Variants in SLC9A2 observed in about 807,000 individuals in gnomAD.
SLC9A2 encodes the protein sodium/hydrogen exchanger 2.
SLC9A2 carries 42 observed loss-of-function variants against 71.7 expected under a neutral mutation model. That is an observed-to-expected ratio of 0.59 (90% CI 0.46 to 0.76). The LOEUF (loss-of-function observed/expected upper bound fraction) is 0.76. Ranked by LOEUF, SLC9A2 falls within the 30% of genes least tolerant of loss-of-function variation. SLC9A2 has a pLI of 0.00. For synonymous variants in SLC9A2, 396 were observed against 392.5 expected (o/e 1.01, Z -0.10); for missense variants, 829 against 1,017.4 (o/e 0.81, Z 2.52).
chr2:102,634,476 A>G (rs1676430308), intron 1 of SLC9A2, among the ~76,000 whole-genome samples: 1 of 152,204 alleles, frequency 6.6e-6, no homozygotes, highest in South Asian at 2.1e-4. Context: ...CACATTTACA[A>G]CAGTTGCTAC....
At chr2:102,632,045 C>CATATATAT (rs1282543860) in intron 1 of SLC9A2, among the ~76,000 whole-genome samples, 1,708 of 97,062 alleles carry the variant, frequency 0.018, 220 homozygotes, top group African/African-American at 0.06. Flanking sequence ...TATACATACA[C>CATATATAT]ACACACATAT....
chr2:102,684,184 A>G lies in SLC9A2; in HGVS notation c.1273A>G (p.Thr425Ala). Residue 425 changes from threonine (T) to alanine (A), a missense_variant, in exon 5 of 12, where the codon ACC becomes GCC. Physicochemically the swap from Thr to Ala is moderately conservative, Grantham distance 58 (BLOSUM62 0). Around this residue, in one of 3 missense-constraint regions of SLC9A2, gnomAD observed 500 missense variants for 726.3 expected, o/e 0.69. Coordinates refer to ENST00000233969, the MANE Select transcript of SLC9A2 (RefSeq NM_003048.6). ...VINRFRTIPL[T>A]FKDQFIIAYG... ...TAATAGGTTCCGGACCATTCCCCTG[A>G]CCTTTAAGGACCAGTTCATCATTGC... The G allele has an allele frequency of 6.2e-7, 1 of 1,614,038 alleles. No individual in the cohort carries two copies. The highest frequency in any genetic ancestry group is 8.5e-7 in the Non-Finnish European group (1 of 1,179,980).
At chr2:102,626,090 C>G (rs1676240655) in intron 1 of SLC9A2, among the ~76,000 whole-genome samples, 1 of 152,012 alleles carries the variant, frequency 6.6e-6, no homozygotes, top group African/African-American at 2.4e-5. Flanking sequence ...TCATATGGAA[C>G]CAAAAAAGAA....
rs189379684 is a variant in SLC9A2 at position 102,626,758 on chromosome 2, C to T, written c.289+6621C>T. On this transcript the variant is annotated intron_variant, in intron 1 of 11. Coordinates refer to ENST00000233969, the MANE Select transcript of SLC9A2 (RefSeq NM_003048.6). ...ACATACAACCCCATCAACAAGTGGG[C>T]GAAGGATATGAACAGACACTTCTCA... Among the ~76,000 whole-genome samples the T allele has an allele frequency of 2.2e-3, 329 of 152,138 alleles. 1 individual carries two copies. Among genetic ancestry groups the T allele is most frequent in the African/African-American group, 7.4e-3 (309 of 41,494 alleles).
rs762938213 is a variant in SLC9A2 at position 102,708,288 on chromosome 2, C to T, written c.2238C>T (p.Thr746=). 6.8e-6 allele frequency: 11 copies of T among 1,614,090 alleles called. No individual in the cohort carries two copies. Among genetic ancestry groups the T allele is most frequent in the South Asian group, 1.1e-5 (1 of 91,078 alleles). ...DVDSGRDMPS[T]PPTPHSREKG... ...ATTCTGGCCGAGATATGCCCAGCAC[C>T]CCCCCAACACCCCACAGCAGAGAAA... is the stretch of plus-strand genomic sequence containing the variant. The change falls in exon 12 of 12, where the codon ACC becomes ACT. Residue 746 remains threonine, a synonymous_variant. Transcript: ENST00000233969.
chr2:102,684,308 T>C lies in SLC9A2; in HGVS notation c.1397T>C (p.Val466Ala). The C allele has an allele frequency of 6.2e-7, 1 of 1,614,220 alleles. No homozygotes were observed. The highest frequency in any genetic ancestry group is 8.5e-7 in the Non-Finnish European group (1 of 1,180,020). Residue 466 changes from valine (V) to alanine (A), a missense_variant, in exon 5 of 12, where the codon GTT becomes GCT. Val to Ala is a moderately conservative substitution (Grantham distance 64). Coordinates refer to ENST00000233969, the MANE Select transcript of SLC9A2 (RefSeq NM_003048.6). Reference protein sequence around the residue: ...RKKLFITAAIVVIFFTVFILG... With the variant: ...RKKLFITAAIAVIFFTVFILG... ...AAATTGTTTATTACGGCTGCCATTG[T>C]TGTCATATTCTTTACTGTCTTCATT...
intron 1 of SLC9A2, among the ~76,000 whole-genome samples, chr2:102,646,995 CA>C (rs1676739137): frequency 6.6e-6 from 1 of 152,080 alleles, no homozygotes; most frequent in South Asian, 2.1e-4. Context: ...CACCCCAAAT[CA>C]ACAGAATTGT....
chr2:102,665,244 A>G lies in SLC9A2; in HGVS notation c.898A>G (p.Thr300Ala), dbSNP rs760623373. Residue 300 changes from threonine (T) to alanine (A), a missense_variant, in exon 3 of 12, where the codon ACT becomes GCT. By Grantham distance (58) the Thr-to-Ala change is moderately conservative. Around this residue, in one of 3 missense-constraint regions of SLC9A2, gnomAD observed 500 missense variants for 726.3 expected, o/e 0.69. Coordinates refer to ENST00000233969, the MANE Select transcript of SLC9A2 (RefSeq NM_003048.6). ...IFLGFIAAFTTRFTHNIRVIE... is the reference protein window; with the variant it reads ...IFLGFIAAFTARFTHNIRVIE... ...CTTGGGCTTTATAGCGGCATTTACT[A>G]CTCGATTCACCCATAATATCCGAGT... 3 of 1,613,686 alleles carry G rather than the reference A, an allele frequency of 1.9e-6. No homozygotes were observed. In the African/African-American group the frequency reaches 4.0e-5, roughly 22 times the overall value.
chr2:102,661,109 A>T (rs1486700176), intron 2 of SLC9A2, among the ~76,000 whole-genome samples: 2 of 152,172 alleles, frequency 1.3e-5, no homozygotes. Flanking sequence ...TGAAAAAAAT[A>T]AACGTGTGAT....
chr2:102,620,492 G>A (rs557486085), intron 1 of SLC9A2, among the ~76,000 whole-genome samples: 1 of 152,134 alleles, frequency 6.6e-6, no homozygotes, highest in African/African-American at 2.4e-5. Context: ...GAGAGGTGCC[G>A]ACGAACCCCG....
intron 3 of SLC9A2, among the ~76,000 whole-genome samples, chr2:102,680,630 G>A (rs867322322): frequency 6.6e-6 from 1 of 152,132 alleles, no homozygotes; most frequent in African/African-American, 2.4e-5. Context: ...GTTTAGGGGA[G>A]GAGAATGCAA....
chr2:102,647,998 C>T (rs1676759351), intron 1 of SLC9A2, among the ~76,000 whole-genome samples: 1 of 152,108 alleles, frequency 6.6e-6, no homozygotes, highest in South Asian at 2.1e-4. Flanking sequence ...TTTATGAGGC[C>T]AGCATCACTC....
At position 102,705,864 on chromosome 2, in the gene SLC9A2, C is replaced by A. The variant is rs868484426; in HGVS notation, c.1996C>A (p.Arg666=). 1.3e-6 allele frequency: 2 copies of A among 1,596,278 alleles called. No homozygotes were observed. The highest frequency in any genetic ancestry group is 8.5e-7 in the Non-Finnish European group (1 of 1,170,898). Residue 666 remains arginine (R), a synonymous_variant, in exon 11 of 12, where the codon CGA becomes AGA. Coordinates refer to ENST00000233969, the MANE Select transcript of SLC9A2 (RefSeq NM_003048.6). The stretch of plus-strand genomic sequence containing the variant: ...TTTACAGGCTTCCACTTCAACCTCC[C>A]GATATTTATCCTTACCTAAAAATAC... ...REHRASTSTS[R]YLSLPKNTKL...
At chr2:102,704,699 A>G in intron 10 of SLC9A2, 24 bp downstream of exon 10, 1 of 1,603,492 alleles carries the variant, frequency 6.2e-7, no homozygotes, top group South Asian at 1.1e-5. Flanking sequence ...CGCCTCTAGG[A>G]GACTTCCAGG....
At chr2:102,679,756 T>C (rs769927205) in intron 3 of SLC9A2, among the ~76,000 whole-genome samples, 4 of 152,242 alleles carry the variant, frequency 2.6e-5, no homozygotes, top group Non-Finnish European at 4.4e-5. Flanking sequence ...ACTTTTTGCC[T>C]GTATGGTTTA....
intron 1 of SLC9A2, among the ~76,000 whole-genome samples, chr2:102,647,390 G>A (rs1170528988): frequency 6.6e-6 from 1 of 152,194 alleles, no homozygotes; most frequent in African/African-American, 2.4e-5. Context: ...ACATCAGAAA[G>A]TGAGAAATAT....
At chr2:102,660,601 G>A (rs899862700) in intron 2 of SLC9A2, among the ~76,000 whole-genome samples, 5 of 152,200 alleles carry the variant, frequency 3.3e-5, no homozygotes, top group Non-Finnish European at 7.3e-5. Flanking sequence ...GAATAGAGGT[G>A]GAGATGTTTT....
intron 5 of SLC9A2, among the ~76,000 whole-genome samples, chr2:102,690,968 CAAAAA>C (rs57709703): frequency 1.7e-4 from 22 of 131,240 alleles, no homozygotes; most frequent in African/African-American, 5.9e-4. Flanking sequence ...TCATTTTCTT[CAAAAA>C]AAAAAAAAAA....
Position 102,684,346 on chromosome 2 carries a change from G to A in SLC9A2, c.1425+10G>A, listed in dbSNP as rs373201284. On this transcript the variant is annotated intron_variant, in intron 5 of 11. Coordinates refer to ENST00000233969, the MANE Select transcript of SLC9A2 (RefSeq NM_003048.6). Reference sequence around the variant, plus strand: ...TACTGTCTTCATTCTGGTAAGTAGAGTGATCCCTTTACCAGGAGGGTAAAA... The same window carrying A: ...TACTGTCTTCATTCTGGTAAGTAGAATGATCCCTTTACCAGGAGGGTAAAA... The A allele has an allele frequency of 1.2e-5, 20 of 1,608,746 alleles. No individual in the cohort carries two copies. In the African/African-American group the frequency reaches 2.4e-4, roughly 19 times the overall value.
Sources: gnomAD v4.1 joint callset for allele counts (sites outside exome capture counted in the v4.1 genomes callset) on GRCh38, gnomAD v4.1.1 for gene constraint, gnomAD v4.1.1 regional missense constraint, MANE v1.5 for transcripts, NCBI Gene and HGNC (gene_info 2026-07-23, HGNC 2026-07-21) for gene names.